C9orf152: variants seen among roughly 807,000 people sequenced by gnomAD.
C9orf152 encodes the protein uncharacterized protein C9orf152.
In C9orf152, 8 loss-of-function variants were observed where a neutral mutation model predicts 8.5. The ratio of observed to expected loss-of-function variants is 0.94; its 90% CI spans 0.55 to 1.70. The LOEUF (loss-of-function observed/expected upper bound fraction) is 1.70, where lower values mean the gene tolerates loss of function less well. C9orf152 is among the 40% of genes most tolerant of loss of function. The pLI, the probability that C9orf152 is intolerant of heterozygous loss-of-function variation, is 0.00. For synonymous variants in C9orf152, 109 were observed against 113.0 expected, an observed-to-expected ratio of 0.96 and a Z score of 0.22; for missense variants, 293 against 286.2, an observed-to-expected ratio of 1.02 and a Z score of -0.17.
At chr9:110,203,941 G>A (rs757268474) in intron 1 of C9orf152, among the ~76,000 whole-genome samples, 5 of 152,088 alleles carry the variant, frequency 3.3e-5, no homozygotes, top group Non-Finnish European at 7.4e-5. Context: ...GAGACCTTTG[G>A]TGGAACCTCT....
chr9:110,204,565 A>G (rs1837254981), intron 1 of C9orf152, among the ~76,000 whole-genome samples: 1 of 152,204 alleles, frequency 6.6e-6, no homozygotes, highest in African/African-American at 2.4e-5. Flanking sequence ...GCTTGGCTTC[A>G]TGACATTAAT....
Position 110,200,923 on chromosome 9 carries a change from A to G in C9orf152, c.*25T>C, listed in dbSNP as rs1167878222. ...TAAGGCCATAGGTGGCCTCAAGGTCAAGACATCTGGCAGAATAGAAAGCTT... is the reference window on the plus strand; with the variant it reads ...TAAGGCCATAGGTGGCCTCAAGGTCGAGACATCTGGCAGAATAGAAAGCTT... On this transcript the variant is annotated 3_prime_UTR_variant, in exon 2 of 2. Transcript: ENST00000400613. 16 of 1,567,242 alleles carry G rather than the reference A, an allele frequency of 1.0e-5. No homozygotes were observed. Among genetic ancestry groups the G allele is most frequent in the South Asian group, 1.2e-5 (1 of 80,772 alleles).
Position 110,201,452 on chromosome 9 carries a change from TGCAGGA to T in C9orf152, c.210_215del (p.Pro71_Ala72del). 6.6e-7 allele frequency: 1 copy of T among 1,515,608 alleles called. No individual in the cohort carries two copies. The highest frequency in any genetic ancestry group is 1.3e-5 in the South Asian group (1 of 75,318). 93.9% of individuals were successfully genotyped at this position (1,515,608 alleles called of 1,614,324 possible). A position where few individuals can be genotyped will look rare whatever the true frequency, so the allele number is the denominator to read the frequency against. ...TCCAAACAGCATTGACCATCGATTC[TGCAGGA>T]GCAGGTGTGTTTCCTCCTGAAAAGA... On this transcript the variant is annotated inframe_deletion, in exon 2 of 2. Transcript: ENST00000400613.
rs1837188958 is a variant in C9orf152 at position 110,199,704 on chromosome 9, A to T, written c.*1244T>A. ...AAGCTTCTACATGTTTTTCACAGGTAATGACACTACTAGTTAACAGCTCTG... is the reference window on the plus strand; with the variant it reads ...AAGCTTCTACATGTTTTTCACAGGTTATGACACTACTAGTTAACAGCTCTG... On this transcript the variant is annotated 3_prime_UTR_variant, in exon 2 of 2. Coordinates refer to ENST00000400613, the MANE Select transcript of C9orf152 (RefSeq NM_001012993.3). 1 of 152,214 alleles carries T rather than the reference A, an allele frequency of 6.6e-6. No homozygotes were observed. The highest frequency in any genetic ancestry group is 1.5e-5 in the Non-Finnish European group (1 of 68,030). The allele number at this position is 152,214 out of a possible 1,614,324, so 9.4% of individuals were successfully genotyped here.
Position 110,200,583 on chromosome 9 carries a change from C to G in C9orf152, c.*365G>C, listed in dbSNP as rs902256017. ...CATTGACCCCTGGGCATTGCTAAGG[C>G]ATTCTGTTGGCTAGGTCCCTGGTTT... is the stretch of plus-strand genomic sequence containing the variant. On this transcript the variant is annotated 3_prime_UTR_variant, in exon 2 of 2. Transcript: ENST00000400613. The G allele has an allele frequency of 3.8e-5, 7 of 184,180 alleles. No individual in the cohort carries two copies. Among genetic ancestry groups the G allele is most frequent in the African/African-American group, 1.6e-4 (7 of 42,632 alleles). The allele number at this position is 184,180 out of a possible 1,614,324, so 11.4% of individuals were successfully genotyped here.
chr9:110,207,453 G>C lies in C9orf152; in HGVS notation c.127C>G (p.Arg43Gly). 1.2e-6 allele frequency: 2 copies of C among 1,613,228 alleles called. No homozygotes were observed. Among genetic ancestry groups the C allele is most frequent in the Non-Finnish European group, 1.7e-6 (2 of 1,179,626 alleles). Reference sequence around the variant, plus strand: ...CTCTTCAAGCCTTCATACTGGGCTCGCAGGAACTGGATGCTGAGTGGGGGC... The same window carrying C: ...CTCTTCAAGCCTTCATACTGGGCTCCCAGGAACTGGATGCTGAGTGGGGGC... ...KGPPLSIQFL[R>G]AQYEGLKRQQ... The change falls in exon 1 of 2, where the codon CGA becomes GGA. Residue 43 changes from arginine to glycine, a missense_variant. Coordinates refer to ENST00000400613, the MANE Select transcript of C9orf152 (RefSeq NM_001012993.3).
intron 1 of C9orf152, among the ~76,000 whole-genome samples, chr9:110,204,426 C>T (rs1394634324): frequency 1.3e-5 from 2 of 152,180 alleles, no homozygotes; most frequent in Non-Finnish European, 2.9e-5. Flanking sequence ...CTTCTAAACG[C>T]AACCCAATGT....
At position 110,200,767 on chromosome 9, in the gene C9orf152, TC is replaced by T; in HGVS notation, c.*180del. ...TGTGGGCAATTTGGCCTGGGAAGTCTCTTCTTATTGGAAGGGTAAAACCATG... is the reference window on the plus strand; with the variant it reads ...TGTGGGCAATTTGGCCTGGGAAGTCTTTCTTATTGGAAGGGTAAAACCATG... On this transcript the variant is annotated 3_prime_UTR_variant, in exon 2 of 2. Coordinates refer to ENST00000400613, the MANE Select transcript of C9orf152 (RefSeq NM_001012993.3). 1 of 652,358 alleles carries T rather than the reference TC, an allele frequency of 1.5e-6. No homozygotes were observed. The allele number at this position is 652,358 out of a possible 1,614,324, so 40.4% of individuals were successfully genotyped here. A position where few individuals can be genotyped will look rare whatever the true frequency, so the allele number is the denominator to read the frequency against.
chr9:110,202,247 A>G (rs1837232448), intron 1 of C9orf152, among the ~76,000 whole-genome samples: 1 of 151,944 alleles, frequency 6.6e-6, no homozygotes, highest in African/African-American at 2.4e-5. Flanking sequence ...ATGCCTGACT[A>G]CTTTTTGTAT....
chr9:110,201,388 C>T lies in C9orf152; in HGVS notation c.280G>A (p.Ala94Thr), dbSNP rs1587904435. 3.1e-6 allele frequency: 5 copies of T among 1,591,188 alleles called. No individual in the cohort carries two copies. The East Asian group carries it at 1.1e-4, about 36-fold the overall frequency. ...AGCCTCCCCTCCACCTCAGAATCTG[C>T]CTCTTCCAGGGACAGTGAGCTTCTT... ...ERRSSLSLEE[A>T]DSEVEGRLEE... Residue 94 changes from alanine (A) to threonine (T), a missense_variant, in exon 2 of 2, where the codon GCA becomes ACA. Ala to Thr is a moderately conservative substitution (Grantham distance 58, BLOSUM62 0). Transcript: ENST00000400613.
Position 110,200,101 on chromosome 9 carries a change from C to CAGAG in C9orf152, c.*843_*846dup, listed in dbSNP as rs145785709. On this transcript the variant is annotated 3_prime_UTR_variant, in exon 2 of 2. Coordinates refer to ENST00000400613, the MANE Select transcript of C9orf152 (RefSeq NM_001012993.3). ...CAGTTTTTAATAAGAACTTAATTTG[C>CAGAG]AGAGAGAGAGAGAGAGAAAAGATAG... is the stretch of plus-strand genomic sequence containing the variant. 2 of 140,336 alleles carry CAGAG rather than the reference C, an allele frequency of 1.4e-5. No homozygotes were observed. The highest frequency in any genetic ancestry group is 2.1e-4 in the East Asian group (1 of 4,720). 8.7% of individuals were successfully genotyped at this position (140,336 alleles called of 1,614,324 possible).
At chr9:110,204,175 G>C (rs1564358045) in intron 1 of C9orf152, among the ~76,000 whole-genome samples, 1 of 152,218 alleles carries the variant, frequency 6.6e-6, no homozygotes, top group Non-Finnish European at 1.5e-5. Flanking sequence ...GAGTCACACA[G>C]TGTCTGACTG....
chr9:110,205,014 C>T (rs756105368), intron 1 of C9orf152, among the ~76,000 whole-genome samples: 1 of 152,168 alleles, frequency 6.6e-6, no homozygotes, highest in Non-Finnish European at 1.5e-5. Flanking sequence ...TCTTCCCTGG[C>T]TTCATTTCCT....
Position 110,200,924 on chromosome 9 carries a change from A to G in C9orf152, c.*24T>C, listed in dbSNP as rs1837208784. ...AAGGCCATAGGTGGCCTCAAGGTCA[A>G]GACATCTGGCAGAATAGAAAGCTTC... On this transcript the variant is annotated 3_prime_UTR_variant, in exon 2 of 2. Coordinates refer to ENST00000400613, the MANE Select transcript of C9orf152 (RefSeq NM_001012993.3). 6.4e-7 allele frequency: 1 copy of G among 1,567,884 alleles called. No individual in the cohort carries two copies. The highest frequency in any genetic ancestry group is 8.6e-7 in the Non-Finnish European group (1 of 1,161,440).
Position 110,207,710 on chromosome 9 carries a change from G to A in C9orf152, c.-131C>T, listed in dbSNP as rs1345292300. 3.3e-6 allele frequency: 2 copies of A among 603,310 alleles called. No individual in the cohort carries two copies. The highest frequency in any genetic ancestry group is 3.9e-5 in the African/African-American group (2 of 51,450). 37.4% of individuals were successfully genotyped at this position (603,310 alleles called of 1,614,324 possible). A position where few individuals can be genotyped will look rare whatever the true frequency, so the allele number is the denominator to read the frequency against. On this transcript the variant is annotated 5_prime_UTR_variant, in exon 1 of 2. Coordinates refer to ENST00000400613, the MANE Select transcript of C9orf152 (RefSeq NM_001012993.3). ...GGGTGGAAAGAGGAGTGGGACTGAG[G>A]AAGGAGATAGAAAAATAAGGGGGAA...
In C9orf152 at chr9:110,207,410, G is replaced by A; in HGVS notation, c.170C>T (p.Ala57Val). The A allele has an allele frequency of 6.2e-7, 1 of 1,612,850 alleles. No homozygotes were observed. ...ACCTTTTGGAAGCACCAGGAGGTGG[G>A]CCTGGGTCCTCTGCTGCCTCTTCAA... ...EGLKRQQRTQ[A>V]HLLVLPKGGN... The change falls in exon 1 of 2, where the codon GCC becomes GTC. Residue 57 changes from alanine to valine, a missense_variant. Physicochemically the swap from Ala to Val is moderately conservative, Grantham distance 64 (BLOSUM62 0). Transcript: ENST00000400613.
rs768697667 is a variant in C9orf152, at chr9:110,201,124, C to T, written c.544G>A (p.Val182Met). 1.9e-6 allele frequency: 3 copies of T among 1,614,086 alleles called. No homozygotes were observed. Among genetic ancestry groups the T allele is most frequent in the Non-Finnish European group, 2.5e-6 (3 of 1,180,050 alleles). Residue 182 changes from valine (V) to methionine (M), a missense_variant, in exon 2 of 2, where the codon GTG (valine) becomes ATG (methionine). Transcript: ENST00000400613. The part of the protein sequence containing the change: ...IPEAAQLPCQ[V>M]GNTQTKAVES... ...ACTGCCTTTGTTTGGGTATTGCCCA[C>T]CTGGCATGGAAGCTGGGCAGCCTCT...
rs1837187827 is a variant in C9orf152 at position 110,199,579 on chromosome 9, C to T, written c.*1369G>A. ...GGACAAATTTTTTTGAGAAAATTTC[C>T]TTTTTTATTAGAATATTTAAAAAAC... is the stretch of plus-strand genomic sequence containing the variant. On this transcript the variant is annotated 3_prime_UTR_variant, in exon 2 of 2. Coordinates refer to ENST00000400613, the MANE Select transcript of C9orf152 (RefSeq NM_001012993.3). 6.6e-6 allele frequency: 1 copy of T among 152,074 alleles called. No homozygotes were observed. The allele number at this position is 152,074 out of a possible 1,614,324, so 9.4% of individuals were successfully genotyped here.
chr9:110,204,477 C>T (rs963731258), intron 1 of C9orf152, among the ~76,000 whole-genome samples: 4 of 152,176 alleles, frequency 2.6e-5, no homozygotes, highest in Non-Finnish European at 5.9e-5. Flanking sequence ...AGCCCAGTCT[C>T]AATGCTCACT....
Sources: gnomAD v4.1 joint callset for allele counts (sites outside exome capture counted in the v4.1 genomes callset) on GRCh38, gnomAD v4.1.1 for gene constraint, MANE v1.5 for transcripts, NCBI Gene and HGNC (gene_info 2026-07-23, HGNC 2026-07-21) for gene names.